Variants in GTF2F1 observed in about 807,000 individuals in gnomAD.
GTF2F1 encodes the protein general transcription factor IIF subunit 1.
A neutral mutation model predicts 63.5 loss-of-function variants in GTF2F1; 39 were observed. The observed-to-expected ratio is 0.61, with a 90% confidence interval of 0.48 to 0.80. GTF2F1 has a LOEUF of 0.80. GTF2F1 is among the 30% of genes least tolerant of loss of function. The pLI is 0.00. For missense variants in GTF2F1, 657 were observed against 718.3 expected (o/e 0.91, Z 0.97); for synonymous variants, 287 against 285.3 (o/e 1.01, Z -0.06).
rs2091960479 is a variant in GTF2F1 at position 6,383,246 on chromosome 19, TTGCCTTCACTGGCAC to T, written c.682+50_682+64del. The T allele has an allele frequency of 1.3e-6, 2 of 1,530,766 alleles. No homozygotes were observed. The highest frequency in any genetic ancestry group is 4.5e-5 in the East Asian group (2 of 44,304). 94.8% of individuals were successfully genotyped at this position (1,530,766 alleles called of 1,614,324 possible). On this transcript the variant is annotated intron_variant, in intron 6 of 12. Coordinates refer to ENST00000394456, the MANE Select transcript of GTF2F1 (RefSeq NM_002096.3). This position sits in a 1 kb window ranked among gnomAD's most constrained non-coding sequence, Gnocchi z 4.5. ...GGGCCACTGTGAGCGATGGTAGACT[TTGCCTTCACTGGCAC>T]TGCCTGAGCAGGCACCTCTGTGACC...
In GTF2F1 at chr19:6,380,764, G is replaced by A. The variant is rs989538675; in HGVS notation, c.1232-74C>T. On this transcript the variant is annotated intron_variant, in intron 11 of 12. Coordinates refer to ENST00000394456, the MANE Select transcript of GTF2F1 (RefSeq NM_002096.3). The surrounding 1 kb of genome is among the most constrained non-coding windows in gnomAD (Gnocchi z 5.3). ...CCTGGGCAGGACCCCAGGCTGGGCA[G>A]TGCCAGGATTAGGGTTCAAGGGGAT... 3.2e-6 allele frequency: 5 copies of A among 1,563,060 alleles called. No homozygotes were observed. Among genetic ancestry groups the A allele is most frequent in the African/African-American group, 2.7e-5 (2 of 74,126 alleles).
chr19:6,392,623 A>G (rs1487559867), intron 2 of GTF2F1, among the ~76,000 whole-genome samples: 2 of 152,176 alleles, frequency 1.3e-5, no homozygotes, highest in Non-Finnish European at 2.9e-5. Context: ...TACTCCTCGA[A>G]GGTTAGGCCA....
intron 4 of GTF2F1, among the ~76,000 whole-genome samples, chr19:6,388,960 G>A (rs1347938954): frequency 6.6e-6 from 1 of 151,086 alleles, no homozygotes. Context: ...TAAATAAGTA[G>A]GCTGGGCACG....
chr19:6,383,568 C>A lies in GTF2F1; in HGVS notation c.498-73G>T, dbSNP rs150223691. 1.0e-5 allele frequency: 15 copies of A among 1,496,922 alleles called. No homozygotes were observed. In the African/African-American group the frequency reaches 1.9e-4, roughly 19 times the overall value. The allele number at this position is 1,496,922 out of a possible 1,614,324, so 92.7% of individuals were successfully genotyped here. ...GCATCTGTGCTTGCAGGGGGCGAGC[C>A]CCAGGGCACCACCCACATAGCCTTC... On this transcript the variant is annotated intron_variant, in intron 5 of 12. Coordinates refer to ENST00000394456, the MANE Select transcript of GTF2F1 (RefSeq NM_002096.3). This position sits in a 1 kb window ranked among gnomAD's most constrained non-coding sequence, Gnocchi z 4.5.
chr19:6,382,809 A>AG (rs1216279032), intron 6 of GTF2F1, among the ~76,000 whole-genome samples: 1 of 151,488 alleles, frequency 6.6e-6, no homozygotes, highest in East Asian at 1.9e-4. Flanking sequence ...CAAAAAAAAA[A>AG]AAAAAAAAAA....
In GTF2F1 at chr19:6,386,495, G is replaced by A. The variant is rs1380049778; in HGVS notation, c.497+894C>T. On this transcript the variant is annotated intron_variant, in intron 5 of 12. Coordinates refer to ENST00000394456, the MANE Select transcript of GTF2F1 (RefSeq NM_002096.3). ...GAGTCTCGCTCTGTCGCCCAGGCTG[G>A]AGTGCACTGGCAACATCTAGGATCA... Among the ~76,000 whole-genome samples, 3 of 152,284 alleles carry A rather than the reference G, an allele frequency of 2.0e-5. No homozygotes were observed. In the East Asian group the frequency reaches 5.8e-4, roughly 30 times the overall value.
chr19:6,380,422 C>T lies in GTF2F1; in HGVS notation c.1413G>A (p.Lys471=), dbSNP rs1226108495. ...RYLTRKPMTT[K]DLLKKFQTKK... ...TGGTCTGGAACTTTTTCAGCAGGTC[C>T]TTAGTGGTCATGGGCTTCCGTGTCA... The change falls in exon 13 of 13, where the codon AAG becomes AAA. Residue 471 remains lysine (K), a synonymous_variant. Transcript: ENST00000394456. The surrounding 1 kb of genome is among the most constrained non-coding windows in gnomAD (Gnocchi z 5.3). The T allele has an allele frequency of 6.2e-7, 1 of 1,614,118 alleles. No individual in the cohort carries two copies. The highest frequency in any genetic ancestry group is 1.7e-5 in the Admixed American group (1 of 60,012).
rs191954046 is a variant in GTF2F1 at position 6,382,130 on chromosome 19, C to T, written c.683-280G>A. ...AACCAGGGACACAGCCCCTACAGCC[C>T]GGAGCGCACAGGAGTTATTGAAACT... On this transcript the variant is annotated intron_variant, in intron 6 of 12. Transcript: ENST00000394456. Among the ~76,000 whole-genome samples, 153 of 152,232 alleles carry T rather than the reference C, an allele frequency of 1.0e-3. 1 individual carries two copies. Among genetic ancestry groups the T allele is most frequent in the African/African-American group, 3.5e-3 (144 of 41,542 alleles).
chr19:6,392,067 A>G (rs2247785), intron 2 of GTF2F1, 93 bp from the exon 3 acceptor site: 168,243 of 704,748 alleles, frequency 0.24, 29,686 homozygotes, highest in African/African-American at 0.74. Flanking sequence ...AATTCAATCA[A>G]CCACCCAACT....
rs748753385 is a variant in GTF2F1, at chr19:6,383,413, TCTC to T, written c.577_579del (p.Glu193del). ...GCCTTCCTGCGGCCACGTTTCTCCT[TCTC>T]CTCCTCATCCTCGTCCTGGTCCTGA... On this transcript the variant is annotated inframe_deletion, in exon 6 of 13. Transcript: ENST00000394456. This position sits in a 1 kb window ranked among gnomAD's most constrained non-coding sequence, Gnocchi z 4.5. 12 of 1,614,128 alleles carry T rather than the reference TCTC, an allele frequency of 7.4e-6. No homozygotes were observed. Among genetic ancestry groups the T allele is most frequent in the African/African-American group, 1.3e-5 (1 of 75,036 alleles).
In GTF2F1 at chr19:6,380,123, C is replaced by G. The variant is rs1448283909; in HGVS notation, c.*158G>C. On this transcript the variant is annotated 3_prime_UTR_variant, in exon 13 of 13. Coordinates refer to ENST00000394456, the MANE Select transcript of GTF2F1 (RefSeq NM_002096.3). This position sits in a 1 kb window ranked among gnomAD's most constrained non-coding sequence, Gnocchi z 5.3. ...TTTCCAGAATTGCTAACTACGGGGCCCTGGGAGTCAGGGAGCAAGCAGGAT... is the reference window on the plus strand; with the variant it reads ...TTTCCAGAATTGCTAACTACGGGGCGCTGGGAGTCAGGGAGCAAGCAGGAT... The G allele has an allele frequency of 1.4e-6, 1 of 717,466 alleles. No individual in the cohort carries two copies. The highest frequency in any genetic ancestry group is 2.5e-6 in the Non-Finnish European group (1 of 401,142). 44.4% of individuals were successfully genotyped at this position (717,466 alleles called of 1,614,324 possible).
chr19:6,390,051 T>C (rs2091990451), intron 3 of GTF2F1, among the ~76,000 whole-genome samples: 1 of 152,198 alleles, frequency 6.6e-6, no homozygotes, highest in Non-Finnish European at 1.5e-5. Flanking sequence ...CTCTCCAGAA[T>C]GCATGCATAT....
At chr19:6,389,383 G>A (rs1327193132) in intron 4 of GTF2F1, 61 bp downstream of exon 4, 2 of 1,500,290 alleles carry the variant, frequency 1.3e-6, no homozygotes, top group Non-Finnish European at 1.8e-6. Context: ...AAGTATGTAA[G>A]TTGAGGCCTG....
chr19:6,381,747 A>G lies in GTF2F1; in HGVS notation c.786T>C (p.Asp262=). The part of the protein sequence containing the change: ...GSDDEAFEDS[D]DGDFEGQEVD... ...CCTCTTGGCCCTCGAAGTCCCCATC[A>G]TCGCTGTCCTCGAAGGCCTCGTCGT... The change falls in exon 7 of 13, where the codon GAT becomes GAC. Residue 262 remains aspartate (D), a synonymous_variant. Coordinates refer to ENST00000394456, the MANE Select transcript of GTF2F1 (RefSeq NM_002096.3). The surrounding 1 kb of genome is among the most constrained non-coding windows in gnomAD (Gnocchi z 4.1). The G allele has an allele frequency of 6.2e-7, 1 of 1,614,092 alleles. No homozygotes were observed.
At chr19:6,384,508 C>CAAA (rs144809526) in intron 5 of GTF2F1, among the ~76,000 whole-genome samples, 4 of 135,574 alleles carry the variant, frequency 3.0e-5, no homozygotes, top group Middle Eastern at 3.8e-3. Flanking sequence ...AATCTGTCTC[C>CAAA]AAAAAAAAAA....
Position 6,380,510 on chromosome 19 carries a change from T to C in GTF2F1, c.1350-25A>G. The C allele has an allele frequency of 6.2e-7, 1 of 1,613,144 alleles. No homozygotes were observed. Among genetic ancestry groups the C allele is most frequent in the Non-Finnish European group, 8.5e-7 (1 of 1,179,162 alleles). On this transcript the variant is annotated intron_variant, in intron 12 of 12. Transcript: ENST00000394456. The surrounding 1 kb of genome is among the most constrained non-coding windows in gnomAD (Gnocchi z 5.3). Reference sequence around the variant, plus strand: ...GCTGAGGATGGGAGGACGGGGAAGGTGGCATCAGTGAGATTGTCCCCAGTA... The same window carrying C: ...GCTGAGGATGGGAGGACGGGGAAGGCGGCATCAGTGAGATTGTCCCCAGTA...
rs567080579 is a variant in GTF2F1, at chr19:6,389,390, C to T, written c.326+54G>A. 11 of 1,531,480 alleles carry T rather than the reference C, an allele frequency of 7.2e-6. No homozygotes were observed. In the Admixed American group the frequency reaches 1.6e-4, roughly 22 times the overall value. The allele number at this position is 1,531,480 out of a possible 1,614,324, so 94.9% of individuals were successfully genotyped here. A position where few individuals can be genotyped will look rare whatever the true frequency, so the allele number is the denominator to read the frequency against. On this transcript the variant is annotated intron_variant, in intron 4 of 12. Coordinates refer to ENST00000394456, the MANE Select transcript of GTF2F1 (RefSeq NM_002096.3). The stretch of plus-strand genomic sequence containing the variant: ...ACCCCACAAAGTATGTAAGTTGAGG[C>T]CTGGGGATGTGGACTGGTCACTAAG...
rs561594114 is a variant in GTF2F1, at chr19:6,386,155, G to C, written c.497+1234C>G. Among the ~76,000 whole-genome samples the C allele has an allele frequency of 4.6e-5, 7 of 152,100 alleles. No individual in the cohort carries two copies. The East Asian group carries it at 1.4e-3, about 30-fold the overall frequency. On this transcript the variant is annotated intron_variant, in intron 5 of 12. Transcript: ENST00000394456. ...AATCCCCACACTTAGGGAGGCTGAG[G>C]GGGGCAGATCACCTGAGGTTAGGAG... is the stretch of plus-strand genomic sequence containing the variant.
At chr19:6,384,344 C>CA (rs1240244306) in intron 5 of GTF2F1, among the ~76,000 whole-genome samples, 2 of 151,176 alleles carry the variant, frequency 1.3e-5, no homozygotes, top group Non-Finnish European at 3.0e-5. Flanking sequence ...CTCATCCCTA[C>CA]AAAAAATTAA....
Sources: allele counts gnomAD v4.1 joint callset (sites outside exome capture counted in the v4.1 genomes callset), GRCh38; gene constraint gnomAD v4.1.1; non-coding constraint Gnocchi (gnomAD v3.1); transcripts MANE v1.5; gene names NCBI Gene and HGNC (gene_info 2026-07-23, HGNC 2026-07-21).